Variants in MAGI2 observed in about 807,000 individuals in gnomAD.
MAGI2 encodes membrane-associated guanylate kinase, WW and PDZ domain-containing protein 2.
MAGI2 carries 35 observed loss-of-function variants against 133.3 expected under a neutral mutation model. That is an observed-to-expected ratio of 0.26 (90% CI 0.20 to 0.35). The LOEUF is 0.35. Ranked by LOEUF, MAGI2 falls within the 10% of genes least tolerant of loss-of-function variation. The pLI is 1.00. For synonymous variants in MAGI2, 729 were observed against 710.6 expected (o/e 1.03, Z -0.41); for missense variants, 1,636 against 1,863.4 (o/e 0.88, Z 2.25).
chr7:79,110,974 C>T (rs1818880416), intron 1 of MAGI2, among the ~76,000 whole-genome samples: 1 of 152,132 alleles, frequency 6.6e-6, no homozygotes, highest in Non-Finnish European at 1.5e-5. Context: ...CGCTTTGCCT[C>T]CTGCCATCAG....
intron 2 of MAGI2, among the ~76,000 whole-genome samples, chr7:78,715,675 A>T (rs1298280158): frequency 2.0e-5 from 3 of 152,226 alleles, no homozygotes; most frequent in Admixed American, 6.5e-5. Context: ...ATGACAGTAA[A>T]ATAATAGTAG....
chr7:79,225,462 G>C (rs777407836), intron 1 of MAGI2, among the ~76,000 whole-genome samples: 2 of 152,128 alleles, frequency 1.3e-5, no homozygotes, highest in Non-Finnish European at 2.9e-5. Flanking sequence ...CGAAGTTACT[G>C]TCACACAGTC....
At position 78,026,498 on chromosome 7, in the gene MAGI2, G is replaced by T. The variant is rs191638791; in HGVS notation, c.3707-6522C>A. Among the ~76,000 whole-genome samples the T allele has an allele frequency of 2.0e-5, 3 of 152,370 alleles. No individual in the cohort carries two copies. In the East Asian group the frequency reaches 5.8e-4, roughly 29 times the overall value. ...AGGAGAGTTAATTTTATCCTGTGCT[G>T]AAGACACAGAGGTTGAGAAAGAAAA... is the stretch of plus-strand genomic sequence containing the variant. On this transcript the variant is annotated intron_variant, in intron 21 of 21. Coordinates refer to ENST00000354212, the MANE Select transcript of MAGI2 (RefSeq NM_012301.4).
chr7:79,341,352 C>T (rs1363249144), intron 1 of MAGI2, among the ~76,000 whole-genome samples: 1 of 151,924 alleles, frequency 6.6e-6, no homozygotes, highest in Non-Finnish European at 1.5e-5. Flanking sequence ...TGTCAGTTTC[C>T]TTTATTCTCC....
chr7:79,133,544 G>A (rs1821124503), intron 1 of MAGI2, among the ~76,000 whole-genome samples: 1 of 151,918 alleles, frequency 6.6e-6, no homozygotes, highest in African/African-American at 2.4e-5. Context: ...ATGCTGTTTT[G>A]GTAACTACAG....
At chr7:78,962,696 C>T (rs186613171) in intron 2 of MAGI2, among the ~76,000 whole-genome samples, 15 of 151,632 alleles carry the variant, frequency 9.9e-5, no homozygotes, top group African/African-American at 2.9e-4. Flanking sequence ...ATTAATAAAA[C>T]CTGATTAGGG....
At chr7:78,333,269 C>T (rs1789415784) in intron 9 of MAGI2, among the ~76,000 whole-genome samples, 2 of 152,156 alleles carry the variant, frequency 1.3e-5, no homozygotes, top group African/African-American at 4.8e-5. Context: ...TATCAATGCT[C>T]TGTACCAGAA....
intron 1 of MAGI2, among the ~76,000 whole-genome samples, chr7:79,142,286 T>C (rs972458444): frequency 5.3e-5 from 8 of 152,220 alleles, no homozygotes; most frequent in Non-Finnish European, 1.2e-4. Context: ...CCAGTGACTG[T>C]TACAATATCC....
intron 9 of MAGI2, among the ~76,000 whole-genome samples, chr7:78,314,065 C>T (rs1180399584): frequency 6.6e-6 from 1 of 151,962 alleles, no homozygotes; most frequent in East Asian, 1.9e-4. Flanking sequence ...CGTTTCTGTA[C>T]GATTTATCAT....
chr7:79,085,549 G>A (rs1165883242), intron 1 of MAGI2, among the ~76,000 whole-genome samples: 1 of 151,514 alleles, frequency 6.6e-6, no homozygotes, highest in Non-Finnish European at 1.5e-5. Context: ...CTATTTTTTT[G>A]CATAAATAAT....
chr7:79,429,870 T>C lies in MAGI2; in HGVS notation c.301+23150A>G, dbSNP rs190612992. Among the ~76,000 whole-genome samples, 138 of 152,006 alleles carry C rather than the reference T, an allele frequency of 9.1e-4. 1 individual carries two copies. The highest frequency in any genetic ancestry group is 3.2e-3 in the African/African-American group (134 of 41,492). ...CCAAATGATTAAGAGGATTGAGGAG[T>C]TGACTTTACAAGTTATAGTCAAGTT... On this transcript the variant is annotated intron_variant, in intron 1 of 21. Transcript: ENST00000354212.
At chr7:78,686,424 A>G (rs192418410) in intron 2 of MAGI2, among the ~76,000 whole-genome samples, 3 of 152,258 alleles carry the variant, frequency 2.0e-5, no homozygotes, top group Admixed American at 2.0e-4. Context: ...CATTAATATT[A>G]GCAGGGGAAA....
intron 1 of MAGI2, among the ~76,000 whole-genome samples, chr7:79,192,432 T>A (rs544375389): frequency 6.6e-6 from 1 of 151,914 alleles, no homozygotes; most frequent in East Asian, 1.9e-4. Context: ...AGCCTTTGCC[T>A]TTACATAATT....
intron 2 of MAGI2, among the ~76,000 whole-genome samples, chr7:78,749,342 C>A (rs1053574560): frequency 1.3e-5 from 2 of 152,122 alleles, no homozygotes; most frequent in Non-Finnish European, 2.9e-5. Flanking sequence ...GAGACCATAA[C>A]AGGCACAAAG....
chr7:78,756,749 CT>C lies in MAGI2; in HGVS notation c.419-129511del, dbSNP rs566397534. Among the ~76,000 whole-genome samples the C allele has an allele frequency of 3.5e-3, 534 of 152,296 alleles. 1 individual carries two copies. Among genetic ancestry groups the C allele is most frequent in the Non-Finnish European group, 5.3e-3 (362 of 68,034 alleles). ...TTCAATATGCTGATCTCTCATCACA[CT>C]CTTGTCACCTCATTTCTTACCCACC... On this transcript the variant is annotated intron_variant, in intron 2 of 21. Coordinates refer to ENST00000354212, the MANE Select transcript of MAGI2 (RefSeq NM_012301.4).
At chr7:79,055,537 A>G (rs555477603) in intron 1 of MAGI2, among the ~76,000 whole-genome samples, 1 of 152,040 alleles carries the variant, frequency 6.6e-6, no homozygotes, top group Non-Finnish European at 1.5e-5. Context: ...AGAGCAGCCA[A>G]CTGGTCTATA....
chr7:78,063,563 C>T (rs1043886504), intron 21 of MAGI2, among the ~76,000 whole-genome samples: 9 of 152,140 alleles, frequency 5.9e-5, no homozygotes, highest in African/African-American at 1.9e-4. Flanking sequence ...TTTTAAAGGG[C>T]TCCTCTTTCA....
intron 20 of MAGI2, among the ~76,000 whole-genome samples, chr7:78,110,748 T>C (rs1819277633): frequency 6.6e-6 from 1 of 152,214 alleles, no homozygotes; most frequent in African/African-American, 2.4e-5. Context: ...GCAGGAGCAA[T>C]GCCATCTCTG....
intron 18 of MAGI2, among the ~76,000 whole-genome samples, chr7:78,130,424 T>TGAA (rs1414248125): frequency 6.6e-6 from 1 of 152,140 alleles, no homozygotes; most frequent in African/African-American, 2.4e-5. Flanking sequence ...CTTACACAAA[T>TGAA]GAAGAAATAG....
Sources: allele counts gnomAD v4.1 joint callset (sites outside exome capture counted in the v4.1 genomes callset), GRCh38; gene constraint gnomAD v4.1.1; transcripts MANE v1.5; gene names NCBI Gene and HGNC (gene_info 2026-07-23, HGNC 2026-07-21).